SLC25A48: variants seen among roughly 807,000 people sequenced by gnomAD.
The protein encoded by SLC25A48 is solute carrier family 25 member 48, also known as CTC-321K16.1.
SLC25A48 carries 29 observed loss-of-function variants against 32.2 expected under a neutral mutation model. The ratio of observed to expected loss-of-function variants is 0.90; its 90% CI spans 0.67 to 1.23. SLC25A48 has a LOEUF of 1.23. Among genes scored for constraint, SLC25A48 ranks in the 50% most tolerant of loss-of-function variants. The probability of loss-of-function intolerance (pLI) is 0.00; values close to 1 mark genes in which losing one functional copy is unlikely to be tolerated. For missense variants in SLC25A48, 399 were observed against 422.7 expected, an observed-to-expected ratio of 0.94 and a Z score of 0.49; for synonymous variants, 164 against 172.3, an observed-to-expected ratio of 0.95 and a Z score of 0.38.
At chr5:135,669,227 C>T (rs140985068) in intron 3 of SLC25A48, among the ~76,000 whole-genome samples, 22 of 152,106 alleles carry the variant, frequency 1.4e-4, no homozygotes, top group Non-Finnish European at 2.5e-4. Flanking sequence ...CCTGTCTTCT[C>T]CCCAGCCTGA....
At chr5:135,586,441 G>T (rs2126872789) in intron 1 of SLC25A48, among the ~76,000 whole-genome samples, 1 of 152,302 alleles carries the variant, frequency 6.6e-6, no homozygotes, top group South Asian at 2.1e-4. Context: ...TTTAACTTGT[G>T]GCCTGTATTT....
chr5:135,645,522 TTCAC>T (rs1034034074), intron 3 of SLC25A48, among the ~76,000 whole-genome samples: 41 of 152,336 alleles, frequency 2.7e-4, no homozygotes, highest in African/African-American at 9.4e-4. Flanking sequence ...TGAGTTCGAA[TTCAC>T]TCTGAGTTGC....
intron 3 of SLC25A48, among the ~76,000 whole-genome samples, chr5:135,644,537 G>T (rs1752914269): frequency 6.6e-6 from 1 of 152,080 alleles, no homozygotes; most frequent in Admixed American, 6.5e-5. Flanking sequence ...CTGCATCACT[G>T]CCATCATTCC....
rs1762807498 is a variant in SLC25A48, at chr5:135,888,316, C to T, written c.*292C>T. On this transcript the variant is annotated 3_prime_UTR_variant, in exon 8 of 8. Transcript: ENST00000681962. The stretch of plus-strand genomic sequence containing the variant: ...CCAGCTGAGAAGTCCTGACCATGAG[C>T]ACCAGGGAGCCAGAAACCACCCAGA... 6.8e-6 allele frequency: 3 copies of T among 443,210 alleles called. No individual in the cohort carries two copies. The highest frequency in any genetic ancestry group is 1.2e-5 in the Non-Finnish European group (3 of 245,766). 27.5% of individuals were successfully genotyped at this position (443,210 alleles called of 1,614,324 possible).
chr5:135,604,715 A>C (rs900921249), intron 1 of SLC25A48, among the ~76,000 whole-genome samples: 1 of 152,234 alleles, frequency 6.6e-6, no homozygotes, highest in Non-Finnish European at 1.5e-5. Context: ...TTGAGGTCTT[A>C]AATTCAGCAT....
At chr5:135,594,268 A>G (rs974682790) in intron 1 of SLC25A48, among the ~76,000 whole-genome samples, 9 of 152,180 alleles carry the variant, frequency 5.9e-5, no homozygotes, top group African/African-American at 1.9e-4. Flanking sequence ...CTTTGTTTAA[A>G]TTTCCCTTGG....
chr5:135,755,000 A>G (rs556874613), intron 3 of SLC25A48, among the ~76,000 whole-genome samples: 1 of 152,282 alleles, frequency 6.6e-6, no homozygotes, highest in Non-Finnish European at 1.5e-5. Context: ...CTGTGATATT[A>G]ATGAAATATT....
chr5:135,845,410 G>GT (rs1759325899), intron 2 of SLC25A48, among the ~76,000 whole-genome samples: 1 of 152,222 alleles, frequency 6.6e-6, no homozygotes, highest in African/African-American at 2.4e-5. Flanking sequence ...GCTCTGGAGG[G>GT]AAGCCCTCCT....
intron 4 of SLC25A48, among the ~76,000 whole-genome samples, chr5:135,818,623 G>T (rs1449470760): frequency 6.6e-6 from 1 of 152,086 alleles, no homozygotes; most frequent in East Asian, 1.9e-4. Flanking sequence ...CTCTACAGAG[G>T]ATTATGTACC....
intron 1 of SLC25A48, among the ~76,000 whole-genome samples, chr5:135,604,893 C>T (rs1326746861): frequency 2.0e-5 from 3 of 152,182 alleles, no homozygotes; most frequent in Non-Finnish European, 2.9e-5. Context: ...GGTCCCTCAG[C>T]GTTTCCACCT....
At chr5:135,788,848 T>TC (rs1756931170) in intron 3 of SLC25A48, among the ~76,000 whole-genome samples, 1 of 149,950 alleles carries the variant, frequency 6.7e-6, no homozygotes, top group African/African-American at 2.5e-5. Flanking sequence ...GTCCGTAATA[T>TC]CTAGGAGGGA....
At chr5:135,885,499 T>TTC (rs139883917) in intron 7 of SLC25A48, among the ~76,000 whole-genome samples, 2 of 151,910 alleles carry the variant, frequency 1.3e-5, no homozygotes, top group Non-Finnish European at 2.9e-5. Context: ...GCTTCCTTGC[T>TTC]TCTCTCTCTC....
rs139400360 is a variant in SLC25A48 at position 135,809,499 on chromosome 5, T to C, written c.-520-3024T>C. On this transcript the variant is annotated intron_variant, in intron 3 of 10. Transcript: ENST00000646290. ...TTTTTAAAAATCAGGTTTATTGAAG[T>C]ATAATTGATGTACAGTAAAATTTAC... Among the ~76,000 whole-genome samples the C allele has an allele frequency of 4.4e-4, 67 of 152,308 alleles. No homozygotes were observed. The East Asian group carries it at 0.013, about 29-fold the overall frequency.
rs576442794 is a variant in SLC25A48, at chr5:135,629,907, A to G, written c.-709+531A>G. Among the ~76,000 whole-genome samples, 2 of 152,310 alleles carry G rather than the reference A, an allele frequency of 1.3e-5. No homozygotes were observed. Among genetic ancestry groups the G allele is most frequent in the African/African-American group, 4.8e-5 (2 of 41,576 alleles). On this transcript the variant is annotated intron_variant, in intron 2 of 10. Coordinates refer to the SLC25A48 transcript ENST00000646290. This position sits in a 1 kb window ranked among gnomAD's most constrained non-coding sequence, Gnocchi z 4.8. ...AGTAGTTGGAAGTCACAGGCATGAC[A>G]TGAGAATGAGGAGGAGAAACGGGCA...
intron 3 of SLC25A48, among the ~76,000 whole-genome samples, chr5:135,758,595 GTGT>G (rs1194046271): frequency 6.7e-6 from 1 of 150,340 alleles, no homozygotes; most frequent in Non-Finnish European, 1.5e-5. Flanking sequence ...ATAATATCTA[GTGT>G]TAACACACTA....
chr5:135,751,940 G>A (rs1561476002), intron 3 of SLC25A48, among the ~76,000 whole-genome samples: 1 of 152,086 alleles, frequency 6.6e-6, no homozygotes, highest in East Asian at 1.9e-4. Flanking sequence ...TCAACCAATG[G>A]TATTGGAACA....
intron 4 of SLC25A48, among the ~76,000 whole-genome samples, chr5:135,813,901 G>T (rs566518550): frequency 1.9e-4 from 29 of 152,264 alleles, no homozygotes; most frequent in African/African-American, 7.0e-4. Flanking sequence ...CCCCCAAGCC[G>T]GCTCTGGGTG....
At chr5:135,811,375 C>A (rs1757587184) in intron 3 of SLC25A48, among the ~76,000 whole-genome samples, 1 of 152,092 alleles carries the variant, frequency 6.6e-6, no homozygotes, top group South Asian at 2.1e-4. Flanking sequence ...CAATCGAATT[C>A]ATAAAAGCAC....
intron 3 of SLC25A48, among the ~76,000 whole-genome samples, chr5:135,727,875 G>C (rs1013121727): frequency 1.3e-5 from 2 of 152,058 alleles, no homozygotes; most frequent in African/African-American, 4.8e-5. Context: ...TTGTTTCTTT[G>C]CCGTTCCAAA....
Sources: gnomAD v4.1 joint callset for allele counts (sites outside exome capture counted in the v4.1 genomes callset) on GRCh38, gnomAD v4.1.1 for gene constraint, Gnocchi (gnomAD v3.1) non-coding constraint, MANE v1.5 for transcripts, NCBI Gene and HGNC (gene_info 2026-07-23, HGNC 2026-07-21) for gene names.